The following COL6A3 variants were observed in gnomAD, a reference collection of about 807,000 sequenced individuals.
COL6A3 encodes collagen type VI alpha 3 chain, also known as collagen alpha-3(VI) chain.
COL6A3 carries 137 observed loss-of-function variants against 274.1 expected under a neutral mutation model. That is an observed-to-expected ratio of 0.50 (90% CI 0.44 to 0.58). The LOEUF is 0.58. Ranked by LOEUF, COL6A3 falls within the 20% of genes least tolerant of loss-of-function variation. The pLI, the probability that COL6A3 is intolerant of heterozygous loss-of-function variation, is 0.00. For synonymous variants in COL6A3, 1,650 were observed against 1,650.6 expected (o/e 1.00, Z 0.01); for missense variants, 3,950 against 4,124.9 (o/e 0.96, Z 1.16).
chr2:237,338,622 G>T (rs1301288929), intron 39 of COL6A3, among the ~76,000 whole-genome samples: 1 of 152,086 alleles, frequency 6.6e-6, no homozygotes, highest in East Asian at 1.9e-4. Context: ...ACAAAAATTA[G>T]CCAGGCATGG....
Position 237,374,497 on chromosome 2 carries a change from T to C in COL6A3, c.3594A>G (p.Gln1198=). The C allele has an allele frequency of 6.2e-7, 1 of 1,614,144 alleles. No individual in the cohort carries two copies. Among genetic ancestry groups the C allele is most frequent in the Non-Finnish European group, 8.5e-7 (1 of 1,180,012 alleles). Residue 1198 remains glutamine, a synonymous_variant, in exon 8 of 44, where the codon CAA becomes CAG. Transcript: ENST00000295550. The surrounding 1 kb of genome is among the most constrained non-coding windows in gnomAD (Gnocchi z 4.8). Reference sequence around the variant, plus strand: ...GGGTCACCCTCTCAGAGATGACCTGTTGGACGGTCCCCAGCTGGCGAAAGG... The same window carrying C: ...GGGTCACCCTCTCAGAGATGACCTGCTGGACGGTCCCCAGCTGGCGAAAGG... ...IPTFRQLGTV[Q]QVISERVTQL...
intron 24 of COL6A3, among the ~76,000 whole-genome samples, chr2:237,354,407 A>G (rs1237418897): frequency 1.3e-5 from 2 of 151,986 alleles, no homozygotes; most frequent in Non-Finnish European, 2.9e-5. Context: ...ACTGAAAGTC[A>G]TCCCTCTGCT....
intron 24 of COL6A3, among the ~76,000 whole-genome samples, chr2:237,354,620 C>T (rs751343258): frequency 7.2e-5 from 11 of 152,094 alleles, no homozygotes; most frequent in Admixed American, 1.3e-4. Context: ...CTTTCTGGAC[C>T]GAACCAATGT....
chr2:237,357,246 G>T, intron 23 of COL6A3, 92 bp downstream of exon 23: 1 of 1,026,936 alleles, frequency 9.7e-7, no homozygotes, highest in Non-Finnish European at 1.6e-6. Context: ...TCACTGCAGA[G>T]CTGTGGACTA....
At chr2:237,348,944 G>C (rs907353446) in intron 28 of COL6A3, among the ~76,000 whole-genome samples, 3 of 152,164 alleles carry the variant, frequency 2.0e-5, no homozygotes, top group Non-Finnish European at 4.4e-5. Context: ...GATTCTGTTT[G>C]GATGTAGAAT....
chr2:237,342,071 A>C lies in COL6A3; in HGVS notation c.7759T>G (p.Cys2587Gly), dbSNP rs760040712. 1.9e-6 allele frequency: 3 copies of C among 1,614,160 alleles called. No homozygotes were observed. The highest frequency in any genetic ancestry group is 3.3e-5 in the Admixed American group (2 of 60,032). Residue 2587 changes from cysteine (C) to glycine (G), a missense_variant, in exon 37 of 44, where the codon TGC becomes GGC. Cys to Gly is a radical substitution (Grantham distance 159). Around this residue, in one of 5 missense-constraint regions of COL6A3, gnomAD observed 1,284 missense variants for 1,349.7 expected, o/e 0.95. Coordinates refer to ENST00000295550, the MANE Select transcript of COL6A3 (RefSeq NM_004369.4). ...FLENVLTCHV[C>G]LDICNIDPSC... ...TGTTAGAGAAACAGCTTACCCAAGC[A>C]AACATGACACGTGAGGACATTCTCC...
rs1309126714 is a variant in COL6A3, at chr2:237,376,939, A to G, written c.2903T>C (p.Val968Ala). 1 of 1,613,954 alleles carries G rather than the reference A, an allele frequency of 6.2e-7. No individual in the cohort carries two copies. The highest frequency in any genetic ancestry group is 8.5e-7 in the Non-Finnish European group (1 of 1,180,010). ...GPASNLKQSGVVPFIFQAKNA... is the reference protein window; with the variant it reads ...GPASNLKQSGAVPFIFQAKNA... ...CTTGGCTTGGAAGATGAAAGGCACAACCCCACTCTGCTTCAGGTTACTTGC... is the reference window on the plus strand; with the variant it reads ...CTTGGCTTGGAAGATGAAAGGCACAGCCCCACTCTGCTTCAGGTTACTTGC... The change falls in exon 7 of 44, where the codon GTT becomes GCT. Residue 968 changes from valine to alanine, a missense_variant. Val to Ala is a moderately conservative substitution (Grantham distance 64). This residue lies in a region of COL6A3 where 1,934 missense variants were observed against 1,984.3 expected (regional missense o/e 0.97). Coordinates refer to ENST00000295550, the MANE Select transcript of COL6A3 (RefSeq NM_004369.4).
In COL6A3 at chr2:237,336,120, C is replaced by T. The variant is rs2106314089; in HGVS notation, c.8965+15G>A. ...GGATGTCACAAGATGGCAGCCCTAGCAAGGGCTTTCTTACCCATGGGCTTA... is the reference window on the plus strand; with the variant it reads ...GGATGTCACAAGATGGCAGCCCTAGTAAGGGCTTTCTTACCCATGGGCTTA... On this transcript the variant is annotated intron_variant, in intron 40 of 43. Coordinates refer to ENST00000295550, the MANE Select transcript of COL6A3 (RefSeq NM_004369.4). 6.2e-7 allele frequency: 1 copy of T among 1,613,234 alleles called. No individual in the cohort carries two copies. Among genetic ancestry groups the T allele is most frequent in the Non-Finnish European group, 8.5e-7 (1 of 1,179,982 alleles).
At chr2:237,343,972 G>A (rs901587013) in intron 36 of COL6A3, 1 of 362,728 alleles carries the variant, frequency 2.8e-6, no homozygotes, top group Non-Finnish European at 5.4e-6. Flanking sequence ...ACAGCTCAGA[G>A]TGTGCACAGG....
intron 28 of COL6A3, 106 bp downstream of exon 28, chr2:237,350,040 TA>T: frequency 9.5e-7 from 1 of 1,051,600 alleles, no homozygotes; most frequent in Non-Finnish European, 1.5e-6. Flanking sequence ...GTATCCCCAA[TA>T]ATACAAGAAG....
chr2:237,351,747 T>G lies in COL6A3; in HGVS notation c.6754-555A>C, dbSNP rs60135775. On this transcript the variant is annotated intron_variant, in intron 26 of 43. Transcript: ENST00000295550. ...GCTTTGCATCTATACCATCTTAAAT[T>G]GTTGATTAATTACAAGTTAAGTAAA... Among the ~76,000 whole-genome samples the G allele has an allele frequency of 7.0e-3, 1,066 of 152,330 alleles. 12 individuals carry two copies. Among genetic ancestry groups the G allele is most frequent in the African/African-American group, 0.024 (1,015 of 41,578 alleles).
At chr2:237,409,384 G>A (rs2078798364) in intron 1 of COL6A3, among the ~76,000 whole-genome samples, 1 of 152,072 alleles carries the variant, frequency 6.6e-6, no homozygotes, top group East Asian at 1.9e-4. Flanking sequence ...CCATGTTGGT[G>A]TGCTGGACCC....
At chr2:237,411,786 C>T (rs1156948817) in intron 1 of COL6A3, among the ~76,000 whole-genome samples, 1 of 152,206 alleles carries the variant, frequency 6.6e-6, no homozygotes, top group Non-Finnish European at 1.5e-5. Flanking sequence ...ATCATTCAGA[C>T]CCCAGGTTTG....
In COL6A3 at chr2:237,395,029, G is replaced by A. The variant is rs757243408; in HGVS notation, c.267C>T (p.Thr89=). 70 of 1,613,952 alleles carry A rather than the reference G, an allele frequency of 4.3e-5. No individual in the cohort carries two copies. The highest frequency in any genetic ancestry group is 6.7e-5 in the African/African-American group (5 of 74,900). The change falls in exon 3 of 44, where the codon ACC becomes ACT. Residue 89 remains threonine, a synonymous_variant. Coordinates refer to ENST00000295550, the MANE Select transcript of COL6A3 (RefSeq NM_004369.4). ...TACGATACGTATTTAACAGGAACTC[G>A]GTATGTGGGTTTCCGTTGAACTGGA... The part of the protein sequence containing the change: ...ALVQFNGNPH[T]EFLLNTYRTK...
At chr2:237,330,889 C>T (rs1259329063) in intron 42 of COL6A3, among the ~76,000 whole-genome samples, 1 of 152,216 alleles carries the variant, frequency 6.6e-6, no homozygotes, top group Non-Finnish European at 1.5e-5. Flanking sequence ...TTTCTACCTA[C>T]AAATTCCTTC....
intron 40 of COL6A3, 141 bp from the exon 41 acceptor site, chr2:237,335,030 G>T (rs1700463178): frequency 6.6e-6 from 6 of 902,394 alleles, no homozygotes; most frequent in Non-Finnish European, 1.1e-5. Flanking sequence ...CTAATTTCTT[G>T]TTCAAGCCCC....
intron 28 of COL6A3, among the ~76,000 whole-genome samples, chr2:237,349,163 C>A (rs1183076153): frequency 6.6e-6 from 1 of 151,832 alleles, no homozygotes. Flanking sequence ...CACCTCCCCC[C>A]AGCATGCTCA....
chr2:237,353,517 A>C, intron 24 of COL6A3, 114 bp from the exon 25 acceptor site: 6 of 871,934 alleles, frequency 6.9e-6, no homozygotes, highest in Non-Finnish European at 1.1e-5. Flanking sequence ...GGGAAAACTC[A>C]GCTCTTCCAG....
chr2:237,324,526 G>C lies in COL6A3; in HGVS notation c.*248C>G. 1 of 503,754 alleles carries C rather than the reference G, an allele frequency of 2.0e-6. No individual in the cohort carries two copies. Among genetic ancestry groups the C allele is most frequent in the Non-Finnish European group, 3.6e-6 (1 of 277,940 alleles). The allele number at this position is 503,754 out of a possible 1,614,324, so 31.2% of individuals were successfully genotyped here. On this transcript the variant is annotated 3_prime_UTR_variant, in exon 44 of 44. Transcript: ENST00000295550. ...GAATGTTCACATAAACACCAGCAGT[G>C]GCTAACTGTTACACAACATTCAAAG...
Sources: allele counts gnomAD v4.1 joint callset (sites outside exome capture counted in the v4.1 genomes callset), GRCh38; gene constraint gnomAD v4.1.1; regional missense constraint gnomAD v4.1.1; non-coding constraint Gnocchi (gnomAD v3.1); transcripts MANE v1.5; gene names NCBI Gene and HGNC (gene_info 2026-07-23, HGNC 2026-07-21).